Variants in STAT4 observed in about 807,000 individuals in gnomAD.
STAT4 encodes the protein signal transducer and activator of transcription 4.
A neutral mutation model predicts 110.5 loss-of-function variants in STAT4; 42 were observed. That is an observed-to-expected ratio of 0.38 (90% CI 0.30 to 0.49). The LOEUF (loss-of-function observed/expected upper bound fraction) is 0.49. STAT4 is among the 20% of genes least tolerant of loss of function. STAT4 has a pLI of 0.95. For synonymous variants in STAT4, 284 were observed against 302.2 expected, an observed-to-expected ratio of 0.94 and a Z score of 0.63; for missense variants, 632 against 887.9, an observed-to-expected ratio of 0.71 and a Z score of 3.66.
rs901792805 is a variant in STAT4, at chr2:191,051,658, G to A, written c.1251+2832C>T. Among the ~76,000 whole-genome samples the A allele has an allele frequency of 6.6e-5, 10 of 152,148 alleles. No individual in the cohort carries two copies. The highest frequency in any genetic ancestry group is 8.8e-5 in the Non-Finnish European group (6 of 68,016). The stretch of plus-strand genomic sequence containing the variant: ...CATGATTTCGGAGCAGGTGGGTGAG[G>A]TGCAGACACTCTGTGAGATAGATGG... On this transcript the variant is annotated intron_variant, in intron 14 of 23. Coordinates refer to ENST00000392320, the MANE Select transcript of STAT4 (RefSeq NM_003151.4). This position sits in a 1 kb window ranked among gnomAD's most constrained non-coding sequence, Gnocchi z 5.6.
At chr2:191,056,779 A>ATTTTTTTTTTTTTTTTTCTTT (rs1696708882) in intron 13 of STAT4, among the ~76,000 whole-genome samples, 1 of 94,516 alleles carries the variant, frequency 1.1e-5, no homozygotes. Context: ...CTTCTACACT[A>ATTTTTTTTTTTTTTTTTCTTT]TTTTTTTTTT....
chr2:191,067,898 C>T (rs1697040899), intron 6 of STAT4, among the ~76,000 whole-genome samples: 1 of 152,140 alleles, frequency 6.6e-6, no homozygotes, highest in African/African-American at 2.4e-5. Flanking sequence ...GAAAAAGAGG[C>T]CCCAGAACAA....
At chr2:191,071,725 C>T (rs1426654416) in intron 5 of STAT4, among the ~76,000 whole-genome samples, 1 of 152,178 alleles carries the variant, frequency 6.6e-6, no homozygotes, top group Non-Finnish European at 1.5e-5. Context: ...GGGGGAATTA[C>T]ATTGATTGAA....
intron 3 of STAT4, among the ~76,000 whole-genome samples, chr2:191,109,559 G>A (rs554734765): frequency 1.3e-5 from 2 of 152,278 alleles, no homozygotes; most frequent in East Asian, 3.9e-4. Flanking sequence ...AAATGAGGTG[G>A]CTTTGTTGGG....
rs1242453282 is a variant in STAT4, at chr2:191,147,536, G to A, written c.128+540C>T. On this transcript the variant is annotated intron_variant, in intron 2 of 23. Coordinates refer to ENST00000392320, the MANE Select transcript of STAT4 (RefSeq NM_003151.4). The surrounding 1 kb of genome is among the most constrained non-coding windows in gnomAD (Gnocchi z 4.1). Reference sequence around the variant, plus strand: ...GGACTAGGGAGTTACTGTTTAAAGAGTACAGAGTTTCAGTTTGGAAAGATG... The same window carrying A: ...GGACTAGGGAGTTACTGTTTAAAGAATACAGAGTTTCAGTTTGGAAAGATG... Among the ~76,000 whole-genome samples the A allele has an allele frequency of 1.3e-5, 2 of 152,152 alleles. No homozygotes were observed. Among genetic ancestry groups the A allele is most frequent in the East Asian group, 1.9e-4 (1 of 5,202 alleles).
intron 3 of STAT4, among the ~76,000 whole-genome samples, chr2:191,133,907 A>G (rs1699109704): frequency 6.7e-6 from 1 of 148,292 alleles, no homozygotes. Flanking sequence ...ACAAAAGAAT[A>G]TTATTCAGCA....
rs750692459 is a variant in STAT4 at position 191,034,507 on chromosome 2, A to T, written c.1620+41T>A. ...TAGACTTAGAAAGGAACATTGTATT[A>T]AAAAAATGTATCTAAATGATGTTTC... On this transcript the variant is annotated intron_variant, in intron 18 of 23. Coordinates refer to ENST00000392320, the MANE Select transcript of STAT4 (RefSeq NM_003151.4). The T allele has an allele frequency of 6.6e-6, 10 of 1,510,438 alleles. No homozygotes were observed. In the African/African-American group the frequency reaches 1.2e-4, roughly 19 times the overall value. 93.6% of individuals were successfully genotyped at this position (1,510,438 alleles called of 1,614,324 possible). A position where few individuals can be genotyped will look rare whatever the true frequency, so the allele number is the denominator to read the frequency against.
chr2:191,125,636 C>T (rs4549119), intron 3 of STAT4, among the ~76,000 whole-genome samples: 2 of 151,504 alleles, frequency 1.3e-5, no homozygotes, highest in African/African-American at 2.4e-5. Context: ...TACAGGTGTA[C>T]GCACGCTACC....
In STAT4 at chr2:191,033,369, T is replaced by C; in HGVS notation, c.1852+121A>G. On this transcript the variant is annotated intron_variant, in intron 20 of 23. Coordinates refer to ENST00000392320, the MANE Select transcript of STAT4 (RefSeq NM_003151.4). The surrounding 1 kb of genome is among the most constrained non-coding windows in gnomAD (Gnocchi z 6.9). The stretch of plus-strand genomic sequence containing the variant: ...TCTGAGACAACTGCAACTACTAATA[T>C]TCAAGCCCACTGAATACATCACAGA... 1 of 1,283,202 alleles carries C rather than the reference T, an allele frequency of 7.8e-7. No individual in the cohort carries two copies. The highest frequency in any genetic ancestry group is 1.5e-5 in the South Asian group (1 of 64,906). The allele number at this position is 1,283,202 out of a possible 1,614,324, so 79.5% of individuals were successfully genotyped here.
intron 3 of STAT4, among the ~76,000 whole-genome samples, chr2:191,087,679 T>C (rs1170797919): frequency 6.6e-6 from 1 of 152,158 alleles, no homozygotes; most frequent in East Asian, 1.9e-4. Flanking sequence ...TCTGAGTATG[T>C]AATTTTTCTT....
chr2:191,066,315 C>G lies in STAT4; in HGVS notation c.630+115G>C. The G allele has an allele frequency of 1.1e-6, 1 of 934,518 alleles. No individual in the cohort carries two copies. The highest frequency in any genetic ancestry group is 1.5e-5 in the South Asian group (1 of 64,962). 57.9% of individuals were successfully genotyped at this position (934,518 alleles called of 1,614,324 possible). On this transcript the variant is annotated intron_variant, in intron 7 of 23. Coordinates refer to ENST00000392320, the MANE Select transcript of STAT4 (RefSeq NM_003151.4). This position sits in a 1 kb window ranked among gnomAD's most constrained non-coding sequence, Gnocchi z 4.3. ...ACTGTTCCTAGAAACCTTGCCGTTT[C>G]TTCATTCAGTAAATGGAACTGATAA...
Position 191,064,966 on chromosome 2 carries a change from C to T in STAT4, c.631-8G>A. The stretch of plus-strand genomic sequence containing the variant: ...CATTTTACTGAGAGCCTCCTAAAAA[C>T]AAAGGGGACTACTGAAGAGAGTTTC... On this transcript the variant is annotated splice_region_variant and splice_polypyrimidine_tract_variant and intron_variant, in intron 7 of 23. Transcript: ENST00000392320. 1 of 1,592,892 alleles carries T rather than the reference C, an allele frequency of 6.3e-7. No individual in the cohort carries two copies.
chr2:191,034,078 A>G, intron 18 of STAT4, 73 bp from the exon 19 acceptor site: 1 of 1,031,728 alleles, frequency 9.7e-7, no homozygotes, highest in Admixed American at 2.3e-5. Flanking sequence ...TTTAAGTTCA[A>G]TTTTTCACCA....
rs1268571610 is a variant in STAT4, at chr2:191,112,659, C to T, written c.273+33954G>A. 1.3e-5 allele frequency among the ~76,000 whole-genome samples: 2 copies of T among 152,192 alleles called. No homozygotes were observed. Among genetic ancestry groups the T allele is most frequent in the Non-Finnish European group, 2.9e-5 (2 of 68,034 alleles). On this transcript the variant is annotated intron_variant, in intron 3 of 23. Coordinates refer to ENST00000392320, the MANE Select transcript of STAT4 (RefSeq NM_003151.4). This position sits in a 1 kb window ranked among gnomAD's most constrained non-coding sequence, Gnocchi z 4.3. The stretch of plus-strand genomic sequence containing the variant: ...GTTATTACTTTCCCAAGTACGACCT[C>T]ATTTTTGACAACTTTGTGAGGTGTT...
chr2:191,145,169 G>T (rs1317918902), intron 3 of STAT4, among the ~76,000 whole-genome samples: 5 of 152,028 alleles, frequency 3.3e-5, no homozygotes, highest in Non-Finnish European at 5.9e-5. Context: ...GGCTGTATAG[G>T]TCATGCTGTC....
intron 16 of STAT4, among the ~76,000 whole-genome samples, chr2:191,036,893 C>T (rs944637476): frequency 3.9e-5 from 6 of 152,098 alleles, no homozygotes; most frequent in African/African-American, 1.4e-4. Flanking sequence ...TTTGGCCAAC[C>T]TAAGTAAACA....
intron 1 of STAT4, among the ~76,000 whole-genome samples, chr2:191,149,801 G>C (rs1484230487): frequency 6.6e-6 from 1 of 152,136 alleles, no homozygotes; most frequent in Non-Finnish European, 1.5e-5. Context: ...TGACAACAGA[G>C]AACATGAGTT....
In STAT4 at chr2:191,060,092, C is replaced by T. The variant is rs116559765; in HGVS notation, c.1035-1323G>A. ...GGGTGCAGAGGAGGAGGATGGGTAC[C>T]CAATAGGTAGAAGAGGAAGACAGAG... On this transcript the variant is annotated intron_variant, in intron 10 of 23. Transcript: ENST00000392320. This position sits in a 1 kb window ranked among gnomAD's most constrained non-coding sequence, Gnocchi z 4.5. Among the ~76,000 whole-genome samples the T allele has an allele frequency of 6.6e-6, 1 of 152,024 alleles. No individual in the cohort carries two copies. The highest frequency in any genetic ancestry group is 1.5e-5 in the Non-Finnish European group (1 of 67,990).
rs1696824463 is a variant in STAT4, at chr2:191,060,688, G to GAA, written c.1034+1040_1034+1041insTT. Among the ~76,000 whole-genome samples, 1 of 152,138 alleles carries GAA rather than the reference G, an allele frequency of 6.6e-6. No individual in the cohort carries two copies. The highest frequency in any genetic ancestry group is 1.5e-5 in the Non-Finnish European group (1 of 68,020). ...CCTTCCTCAGGCTCCCAAAGTGCTG[G>GAA]GATTATAGGCGTGAGCCACCATGCC... On this transcript the variant is annotated intron_variant, in intron 10 of 23. Coordinates refer to ENST00000392320, the MANE Select transcript of STAT4 (RefSeq NM_003151.4). The surrounding 1 kb of genome is among the most constrained non-coding windows in gnomAD (Gnocchi z 4.5).
Sources: gnomAD v4.1 joint callset for allele counts (sites outside exome capture counted in the v4.1 genomes callset) on GRCh38, gnomAD v4.1.1 for gene constraint, Gnocchi (gnomAD v3.1) non-coding constraint, MANE v1.5 for transcripts, NCBI Gene and HGNC (gene_info 2026-07-23, HGNC 2026-07-21) for gene names.